The following UNC13C variants were observed in gnomAD, a reference collection of about 807,000 sequenced individuals.
The protein encoded by UNC13C is protein unc-13 homolog C.
Under a neutral mutation model 245.4 loss-of-function variants are expected in UNC13C, and 174 were observed. The observed-to-expected ratio is 0.71, with a 90% confidence interval of 0.63 to 0.80. The LOEUF (loss-of-function observed/expected upper bound fraction) is 0.80. UNC13C is among the 30% of genes least tolerant of loss of function. UNC13C has a pLI of 0.00. For synonymous variants in UNC13C, 992 were observed against 895.1 expected (o/e 1.11, Z -1.93); for missense variants, 2,829 against 2,602.9 (o/e 1.09, Z -1.89).
At chr15:53,870,725 G>T in the UNC13C span, among the ~76,000 whole-genome samples, 1 of 152,132 alleles carries the variant, frequency 6.6e-6, no homozygotes, top group Non-Finnish European at 1.5e-5. Flanking sequence ...CCTCTAAAAA[G>T]AGGGTCTTAT....
intron 30 of UNC13C, among the ~76,000 whole-genome samples, chr15:54,610,051 G>A (rs189186441): frequency 1.5e-4 from 23 of 152,192 alleles, no homozygotes; most frequent in Admixed American, 1.0e-3. Context: ...TATGGGAACC[G>A]CAATTCAAGA....
intron 17 of UNC13C, among the ~76,000 whole-genome samples, chr15:54,371,748 A>G (rs117513477): frequency 0.01 from 1,579 of 152,090 alleles, 19 homozygotes; most frequent in Non-Finnish European, 0.014. Flanking sequence ...ATACCAGTGG[A>G]ATACTATTGA....
In UNC13C at chr15:54,315,465, T is replaced by C. The variant is rs139626817; in HGVS notation, c.4269-6474T>C. Among the ~76,000 whole-genome samples the C allele has an allele frequency of 1.6e-3, 237 of 151,784 alleles. 1 individual carries two copies. Among genetic ancestry groups the C allele is most frequent in the African/African-American group, 5.4e-3 (225 of 41,454 alleles). ...CCTGGGTTTACTTTTACCTATCTAG[T>C]ATTTATTTAGTCTCAATTATAGAAT... On this transcript the variant is annotated intron_variant, in intron 13 of 32. Transcript: ENST00000260323.
Position 54,546,852 on chromosome 15 carries a change from A to G in UNC13C, c.5820+7A>G, listed in dbSNP as rs1470146722. On this transcript the variant is annotated splice_region_variant and intron_variant, in intron 27 of 32. Transcript: ENST00000260323. ...TCCTCTGACAGATCAAACAGTAAGT[A>G]TATAAAGTTTAGTTATGCTTTCATT... The G allele has an allele frequency of 1.3e-6, 2 of 1,569,676 alleles. No individual in the cohort carries two copies. Among genetic ancestry groups the G allele is most frequent in the Non-Finnish European group, 1.7e-6 (2 of 1,159,898 alleles).
At chr15:54,301,122 T>C (rs941369629) in intron 13 of UNC13C, among the ~76,000 whole-genome samples, 1 of 152,128 alleles carries the variant, frequency 6.6e-6, no homozygotes, top group Admixed American at 6.6e-5. Context: ...TTCAGATATA[T>C]ACCAGGTGTA....
chr15:53,865,585 T>G, the UNC13C span, among the ~76,000 whole-genome samples: 3 of 152,118 alleles, frequency 2.0e-5, no homozygotes, highest in Non-Finnish European at 4.4e-5. Context: ...CTTATAGGTG[T>G]TGGGTGTTAG....
rs376495525 is a variant in UNC13C, at chr15:54,321,975, C to T, written c.4305C>T (p.Pro1435=). The change falls in exon 14 of 33, where the codon CCC becomes CCT. Residue 1435 remains proline, a synonymous_variant. Coordinates refer to ENST00000260323, the MANE Select transcript of UNC13C (RefSeq NM_001080534.3). ...GTCTGTCTTCTAAATACATGTGCCC[C>T]GGTGTCCCTGCCGTCATGAGCACCT... ...FSCLSSKYMC[P]GVPAVMSTLL... 1.1e-4 allele frequency: 179 copies of T among 1,585,080 alleles called. No individual in the cohort carries two copies. The Middle Eastern group carries it at 1.7e-3, about 15-fold the overall frequency.
intron 24 of UNC13C, among the ~76,000 whole-genome samples, chr15:54,523,558 A>G (rs768238579): frequency 1.3e-5 from 2 of 152,186 alleles, no homozygotes; most frequent in Non-Finnish European, 2.9e-5. Flanking sequence ...TCTATTCACC[A>G]AATACCTAAG....
chr15:54,015,459 C>G lies in UNC13C; in HGVS notation c.2556C>G (p.Val852=), dbSNP rs1433330362. 1 of 1,613,562 alleles carries G rather than the reference C, an allele frequency of 6.2e-7. No homozygotes were observed. The highest frequency in any genetic ancestry group is 2.2e-5 in the East Asian group (1 of 44,858). The change falls in exon 2 of 33, where the codon GTC becomes GTG. Residue 852 remains valine, a synonymous_variant. Coordinates refer to ENST00000260323, the MANE Select transcript of UNC13C (RefSeq NM_001080534.3). ...NESSTTLDSD[V]YTEPYYYKAE... ...CAAGTACCACACTTGACTCTGATGT[C>G]TACACGGAGCCCTATTACTATAAAG...
At chr15:54,276,285 AG>A (rs2036829602) in intron 10 of UNC13C, among the ~76,000 whole-genome samples, 1 of 152,138 alleles carries the variant, frequency 6.6e-6, no homozygotes, top group South Asian at 2.1e-4. Flanking sequence ...AAATGTATGC[AG>A]CTAATTGTAT....
chr15:54,609,497 C>T (rs1211113756), intron 30 of UNC13C: 1 of 152,104 alleles, frequency 6.6e-6, no homozygotes, highest in Non-Finnish European at 1.5e-5. Context: ...ATGAACTGAA[C>T]TTGTCATCTA....
At chr15:54,156,442 T>C (rs2032748723) in intron 4 of UNC13C, among the ~76,000 whole-genome samples, 1 of 152,162 alleles carries the variant, frequency 6.6e-6, no homozygotes, top group Non-Finnish European at 1.5e-5. Flanking sequence ...CCCTATAATC[T>C]TCACATATAA....
intron 2 of UNC13C, among the ~76,000 whole-genome samples, chr15:54,139,048 C>T (rs2031885009): frequency 7.2e-6 from 1 of 138,786 alleles, no homozygotes; most frequent in South Asian, 2.4e-4. Context: ...CAACCTCCGC[C>T]TCCTGTGTTC....
chr15:54,237,673 C>G lies in UNC13C; in HGVS notation c.3211C>G (p.Leu1071Val). The G allele has an allele frequency of 6.2e-7, 1 of 1,611,388 alleles. No individual in the cohort carries two copies. Among genetic ancestry groups the G allele is most frequent in the Non-Finnish European group, 8.5e-7 (1 of 1,178,852 alleles). The change falls in exon 7 of 33, where the codon CTA (leucine) becomes GTA (valine). Residue 1071 changes from leucine (L) to valine (V), a missense_variant. Leu to Val is a conservative substitution (Grantham distance 32). Coordinates refer to ENST00000260323, the MANE Select transcript of UNC13C (RefSeq NM_001080534.3). ...LSLAMVIRTS[L>V]NNEELKMHVF... ...CCTGGCTATGGTGATTAGGACATCC[C>G]TAAATAATGAGGAACTGGTAAGTAC...
chr15:54,042,864 AG>A (rs1896870276), intron 2 of UNC13C, among the ~76,000 whole-genome samples: 2 of 54,422 alleles, frequency 3.7e-5, no homozygotes, highest in Admixed American at 2.2e-4. Flanking sequence ...GAAAAGAAAA[AG>A]AAAAAGAAAA....
At chr15:54,100,748 T>C (rs1177253400) in intron 2 of UNC13C, among the ~76,000 whole-genome samples, 3 of 152,092 alleles carry the variant, frequency 2.0e-5, no homozygotes, top group Admixed American at 6.6e-5. Flanking sequence ...TAACATTATT[T>C]CAAAACCTTT....
chr15:54,408,632 C>T (rs1207162494), intron 18 of UNC13C, among the ~76,000 whole-genome samples: 3 of 152,042 alleles, frequency 2.0e-5, no homozygotes, highest in Non-Finnish European at 4.4e-5. Flanking sequence ...AATAAGAGTT[C>T]TAATGTTTAT....
At chr15:53,964,707 A>G in the UNC13C span, among the ~76,000 whole-genome samples, 1 of 152,214 alleles carries the variant, frequency 6.6e-6, no homozygotes, top group Admixed American at 6.5e-5. Context: ...ACTATTAAAG[A>G]TGATATATGA....
intron 19 of UNC13C, among the ~76,000 whole-genome samples, chr15:54,457,774 T>C (rs1596410227): frequency 6.6e-6 from 1 of 152,034 alleles, no homozygotes; most frequent in South Asian, 2.1e-4. Flanking sequence ...TTCTTTTTCT[T>C]GGTTAATCTC....
Sources: allele counts gnomAD v4.1 joint callset (sites outside exome capture counted in the v4.1 genomes callset), GRCh38; gene constraint gnomAD v4.1.1; transcripts MANE v1.5; gene names NCBI Gene and HGNC (gene_info 2026-07-23, HGNC 2026-07-21).